The following CDADC1 variants were observed in gnomAD, a reference collection of about 807,000 sequenced individuals.
The protein encoded by CDADC1 is dCTP deaminase.
CDADC1 carries 39 observed loss-of-function variants against 54.9 expected under a neutral mutation model. That is an observed-to-expected ratio of 0.71 (90% CI 0.55 to 0.93). The LOEUF (loss-of-function observed/expected upper bound fraction) is 0.93, where lower values mean the gene tolerates loss of function less well. CDADC1 is among the 40% of genes least tolerant of loss of function. The pLI is 0.00. For missense variants in CDADC1, 518 were observed against 618.8 expected, an observed-to-expected ratio of 0.84 and a Z score of 1.73; for synonymous variants, 186 against 204.0, an observed-to-expected ratio of 0.91 and a Z score of 0.75.
At chr13:49,258,191 T>C (rs1952594171) in intron 3 of CDADC1, among the ~76,000 whole-genome samples, 2 of 152,204 alleles carry the variant, frequency 1.3e-5, no homozygotes, top group African/African-American at 4.8e-5. Flanking sequence ...AAACTGAAAC[T>C]TGACTAGTTA....
chr13:49,273,681 G>A (rs1429889266), intron 5 of CDADC1, among the ~76,000 whole-genome samples: 1 of 152,138 alleles, frequency 6.6e-6, no homozygotes, highest in African/African-American at 2.4e-5. Context: ...TAAACTGAAG[G>A]TCAAAGAAAG....
chr13:49,267,417 A>G, intron 4 of CDADC1, 73 bp from the exon 5 acceptor site: 2 of 1,173,436 alleles, frequency 1.7e-6, no homozygotes, highest in Non-Finnish European at 2.4e-6. Flanking sequence ...CTGCAATGAT[A>G]GGGTGGATTT....
rs1464018335 is a variant in CDADC1, at chr13:49,248,069, A to G, written c.32A>G (p.Glu11Gly). ...GAAGCTGGGCAGATGCAAAATCTGGAGAGCGCGAGGGCCGGGCGGTCAGTC... is the reference window on the plus strand; with the variant it reads ...GAAGCTGGGCAGATGCAAAATCTGGGGAGCGCGAGGGCCGGGCGGTCAGTC... MKEAGQMQNL[E>G]SARAGRSVST... The change falls in exon 1 of 10, where the codon GAG (glutamate) becomes GGG (glycine). Residue 11 changes from glutamate to glycine, a missense_variant. By Grantham distance (98) the Glu-to-Gly change is moderately conservative. Transcript: ENST00000251108. 3.2e-6 allele frequency: 5 copies of G among 1,553,838 alleles called. No individual in the cohort carries two copies. In the African/African-American group the frequency reaches 6.8e-5, roughly 21 times the overall value.
intron 8 of CDADC1, among the ~76,000 whole-genome samples, chr13:49,286,003 G>A (rs2138268123): frequency 1.3e-5 from 2 of 151,992 alleles, no homozygotes; most frequent in South Asian, 2.1e-4. Flanking sequence ...TATTAAAGAC[G>A]GAGTTTCACC....
At chr13:49,291,585 A>T in intron 9 of CDADC1, 99 bp from the exon 10 acceptor site, 1 of 1,037,474 alleles carries the variant, frequency 9.6e-7, no homozygotes, top group Non-Finnish European at 1.4e-6. Context: ...AGTTCCTTTA[A>T]CTTAAGCATT....
At chr13:49,258,542 T>A (rs989484028) in intron 3 of CDADC1, among the ~76,000 whole-genome samples, 1 of 152,182 alleles carries the variant, frequency 6.6e-6, no homozygotes, top group African/African-American at 2.4e-5. Flanking sequence ...AAACCTTCAC[T>A]CAAAGAGATC....
At chr13:49,290,404 T>C (rs891207700) in intron 9 of CDADC1, among the ~76,000 whole-genome samples, 4 of 151,946 alleles carry the variant, frequency 2.6e-5, no homozygotes, top group Non-Finnish European at 5.9e-5. Context: ...ATATATTACA[T>C]AATACATTAT....
At chr13:49,266,436 T>G (rs943162673) in intron 4 of CDADC1, among the ~76,000 whole-genome samples, 1 of 152,226 alleles carries the variant, frequency 6.6e-6, no homozygotes, top group African/African-American at 2.4e-5. Flanking sequence ...TGAATTGAAA[T>G]ATTTTCTGTA....
At chr13:49,251,335 G>T (rs1306296351) in intron 2 of CDADC1, among the ~76,000 whole-genome samples, 3 of 150,928 alleles carry the variant, frequency 2.0e-5, no homozygotes, top group Non-Finnish European at 4.4e-5. Context: ...TTGAACCCAG[G>T]AGGCAGAGAT....
chr13:49,264,748 C>T (rs1441937342), intron 4 of CDADC1, among the ~76,000 whole-genome samples: 1 of 151,388 alleles, frequency 6.6e-6, no homozygotes, highest in African/African-American at 2.4e-5. Context: ...TATAGTGATA[C>T]ACTATTAATT....
At chr13:49,262,807 C>T (rs535832410) in intron 4 of CDADC1, among the ~76,000 whole-genome samples, 12 of 152,232 alleles carry the variant, frequency 7.9e-5, no homozygotes, top group Admixed American at 1.3e-4. Context: ...GGATTACAGG[C>T]GTGAACCACT....
chr13:49,261,244 TTC>T (rs1477940431), intron 4 of CDADC1, among the ~76,000 whole-genome samples: 1 of 152,210 alleles, frequency 6.6e-6, no homozygotes, highest in African/African-American at 2.4e-5. Context: ...ATGGCAGAAC[TTC>T]TAGAAGAAAT....
intron 8 of CDADC1, among the ~76,000 whole-genome samples, chr13:49,283,645 C>G (rs897279146): frequency 2.6e-5 from 4 of 152,022 alleles, no homozygotes; most frequent in Admixed American, 1.3e-4. Context: ...ATCAGAAGAA[C>G]TTAAGAAAGG....
chr13:49,255,953 CA>C (rs1367791605), intron 3 of CDADC1, 40 bp downstream of exon 3: 1 of 1,590,672 alleles, frequency 6.3e-7, no homozygotes, highest in African/African-American at 1.4e-5. Flanking sequence ...CTCATAATAA[CA>C]AAGCAAAAGG....
intron 3 of CDADC1, among the ~76,000 whole-genome samples, chr13:49,258,779 A>G (rs1348448630): frequency 5.9e-5 from 9 of 152,226 alleles, no homozygotes. Flanking sequence ...AGACTGCCAT[A>G]GTGCTAAAAA....
At chr13:49,283,991 G>GT (rs1338923717) in intron 8 of CDADC1, among the ~76,000 whole-genome samples, 21 of 152,262 alleles carry the variant, frequency 1.4e-4, no homozygotes, top group African/African-American at 5.1e-4. Context: ...AATAAATTTG[G>GT]TATTTGTTTT....
intron 5 of CDADC1, 38 bp downstream of exon 5, chr13:49,268,097 G>C: frequency 6.7e-7 from 1 of 1,486,916 alleles, no homozygotes; most frequent in Non-Finnish European, 9.2e-7. Context: ...CTGATTGGTT[G>C]GGTTGTATTT....
chr13:49,281,409 A>ACCGG (rs1336284707), intron 8 of CDADC1, among the ~76,000 whole-genome samples: 5 of 152,032 alleles, frequency 3.3e-5, no homozygotes, highest in Non-Finnish European at 7.4e-5. Flanking sequence ...GTGGAAGACA[A>ACCGG]TTTTTCCACA....
At chr13:49,253,329 TCTTA>T (rs1436143640) in intron 2 of CDADC1, among the ~76,000 whole-genome samples, 5 of 152,336 alleles carry the variant, frequency 3.3e-5, no homozygotes, top group Non-Finnish European at 7.4e-5. Flanking sequence ...GTCTTTTTTC[TCTTA>T]CTTTCTTTAC....
Sources: gnomAD v4.1 joint callset for allele counts (sites outside exome capture counted in the v4.1 genomes callset) on GRCh38, gnomAD v4.1.1 for gene constraint, MANE v1.5 for transcripts, NCBI Gene and HGNC (gene_info 2026-07-23, HGNC 2026-07-21) for gene names.